Variants in ARHGEF4 observed in about 807,000 individuals in gnomAD.
ARHGEF4 encodes Rho guanine nucleotide exchange factor 4.
ARHGEF4 carries 119 observed loss-of-function variants against 162.0 expected under a neutral mutation model. The ratio of observed to expected loss-of-function variants is 0.73; its 90% CI spans 0.63 to 0.86. ARHGEF4 has a LOEUF of 0.86. ARHGEF4 is among the 40% of genes least tolerant of loss of function. The pLI, the probability that ARHGEF4 is intolerant of heterozygous loss-of-function variation, is 0.00. For missense variants in ARHGEF4, 2,488 were observed against 2,456.0 expected, an observed-to-expected ratio of 1.01 and a Z score of -0.28; for synonymous variants, 1,014 against 979.9, an observed-to-expected ratio of 1.03 and a Z score of -0.65.
At chr2:130,908,840 T>C (rs1171085204) in intron 1 of ARHGEF4, among the ~76,000 whole-genome samples, 1 of 152,024 alleles carries the variant, frequency 6.6e-6, no homozygotes, top group African/African-American at 2.4e-5. Flanking sequence ...AACTCAATAG[T>C]AAGAACACAA....
intron 1 of ARHGEF4, among the ~76,000 whole-genome samples, chr2:130,880,072 C>T (rs1205077893): frequency 6.6e-6 from 1 of 152,224 alleles, no homozygotes; most frequent in Non-Finnish European, 1.5e-5. Context: ...AGGCTGTAAG[C>T]ACGCGATGCC....
intron 3 of ARHGEF4, among the ~76,000 whole-genome samples, chr2:130,937,085 A>G (rs898924267): frequency 3.3e-5 from 5 of 150,124 alleles, no homozygotes; most frequent in Non-Finnish European, 7.4e-5. Flanking sequence ...TTTTTTTTCT[A>G]TTTTTAGTAG....
chr2:130,931,118 A>G lies in ARHGEF4; in HGVS notation c.3719A>G (p.Gln1240Arg), dbSNP rs1682606514. Residue 1240 changes from glutamine (Q) to arginine (R), a missense_variant, in exon 3 of 14, where the codon CAG (glutamine) becomes CGG (arginine). By Grantham distance (43) the Gln-to-Arg change is conservative. This residue lies in a region of ARHGEF4 where 1,642 missense variants were observed against 1,481.5 expected (regional missense o/e 1.11). Transcript: ENST00000409359. ...ACTGTGCGTGGGGAGGCTCCTTCAC[A>G]GCCTAGGGGCATCCCTCACCGCTCG... ...AETVRGEAPS[Q>R]PRGIPHRSPV... The G allele has an allele frequency of 3.1e-6, 5 of 1,614,034 alleles. No homozygotes were observed. Among genetic ancestry groups the G allele is most frequent in the Admixed American group, 1.7e-5 (1 of 59,996 alleles).
chr2:130,921,165 T>C (rs1244372303), intron 2 of ARHGEF4, among the ~76,000 whole-genome samples: 1 of 152,222 alleles, frequency 6.6e-6, no homozygotes, highest in East Asian at 1.9e-4. Context: ...CTTTAAACTT[T>C]ACTCAGTCTA....
chr2:130,967,005 G>C (rs1316634712), intron 4 of ARHGEF4, among the ~76,000 whole-genome samples: 1 of 152,272 alleles, frequency 6.6e-6, no homozygotes, highest in African/African-American at 2.4e-5. Flanking sequence ...GTAAGGGATC[G>C]TCAGCACAGC....
chr2:130,909,467 A>G (rs1335226791), intron 1 of ARHGEF4, among the ~76,000 whole-genome samples: 2 of 152,188 alleles, frequency 1.3e-5, no homozygotes, highest in Non-Finnish European at 1.5e-5. Flanking sequence ...TAGAAAAGGC[A>G]AAAAGCAGAT....
At chr2:130,960,348 A>G (rs1401962242) in intron 4 of ARHGEF4, among the ~76,000 whole-genome samples, 1 of 152,038 alleles carries the variant, frequency 6.6e-6, no homozygotes, top group African/African-American at 2.4e-5. Context: ...CTATGTTTTG[A>G]TTTGTTTAGA....
chr2:130,930,121 C>T (rs1240676084), intron 2 of ARHGEF4, among the ~76,000 whole-genome samples: 1 of 152,150 alleles, frequency 6.6e-6, no homozygotes, highest in Non-Finnish European at 1.5e-5. Context: ...TTTCAATCTC[C>T]TGACCTCGTG....
Position 130,895,085 on chromosome 2 carries a change from A to G in ARHGEF4, c.40-18901A>G, listed in dbSNP as rs548480166. ...TAAAAAAGCCCTTGCCCTGCTCCCT[A>G]CCTGGTCAGTCTCCCTCCCTGCCCA... On this transcript the variant is annotated intron_variant, in intron 1 of 13. Coordinates refer to ENST00000409359, the MANE Select transcript of ARHGEF4 (RefSeq NM_001367493.1). Among the ~76,000 whole-genome samples, 7 of 152,230 alleles carry G rather than the reference A, an allele frequency of 4.6e-5. No individual in the cohort carries two copies. The South Asian group carries it at 1.5e-3, about 32-fold the overall frequency.
At position 130,843,920 on chromosome 2, in the gene ARHGEF4, G is replaced by T. The variant is rs115564960; in HGVS notation, c.39+6928G>T. Reference sequence around the variant, plus strand: ...CTCCTGAAACCTTCTCTCCAAACTTGGGTGGAGCACAGCCCTGCTCTCCAG... The same window carrying T: ...CTCCTGAAACCTTCTCTCCAAACTTTGGTGGAGCACAGCCCTGCTCTCCAG... On this transcript the variant is annotated intron_variant, in intron 1 of 13. Transcript: ENST00000409359. Among the ~76,000 whole-genome samples the T allele has an allele frequency of 7.4e-3, 1,126 of 152,308 alleles. 14 individuals are homozygous for T. Among genetic ancestry groups the T allele is most frequent in the Non-Finnish European group, 0.014 (924 of 68,016 alleles).
At chr2:130,838,055 A>C (rs1027089837) in intron 1 of ARHGEF4, among the ~76,000 whole-genome samples, 5 of 152,192 alleles carry the variant, frequency 3.3e-5, no homozygotes, top group East Asian at 1.9e-4. Context: ...CCCCAGCGAT[A>C]ACGAAGTGAT....
chr2:130,938,475 T>C (rs1683096424), intron 3 of ARHGEF4, among the ~76,000 whole-genome samples: 1 of 152,210 alleles, frequency 6.6e-6, no homozygotes, highest in Non-Finnish European at 1.5e-5. Flanking sequence ...ACAGTTTAGG[T>C]GAAATGTCTT....
At chr2:131,014,095 G>T (rs1460860972) in intron 4 of ARHGEF4, among the ~76,000 whole-genome samples, 2 of 152,116 alleles carry the variant, frequency 1.3e-5, no homozygotes, top group Non-Finnish European at 2.9e-5. Flanking sequence ...ATTATATACA[G>T]TGTTGTATTG....
chr2:130,852,392 A>G (rs1681470299), intron 1 of ARHGEF4, among the ~76,000 whole-genome samples: 1 of 152,224 alleles, frequency 6.6e-6, no homozygotes, highest in African/African-American at 2.4e-5. Flanking sequence ...GGTGTCAGGC[A>G]GGACACAGGC....
chr2:130,923,140 G>C (rs1036385928), intron 2 of ARHGEF4, among the ~76,000 whole-genome samples: 12 of 152,222 alleles, frequency 7.9e-5, no homozygotes, highest in Non-Finnish European at 1.8e-4. Flanking sequence ...ATATTGGCTA[G>C]GGTGGTCTCG....
chr2:130,836,960 A>G lies in ARHGEF4; in HGVS notation c.7A>G (p.Ser3Gly), dbSNP rs1196320895. 5.7e-6 allele frequency: 7 copies of G among 1,226,170 alleles called. No individual in the cohort carries two copies. The highest frequency in any genetic ancestry group is 3.0e-6 in the Non-Finnish European group (3 of 984,462). 76.0% of individuals were successfully genotyped at this position (1,226,170 alleles called of 1,614,324 possible). A position where few individuals can be genotyped will look rare whatever the true frequency, so the allele number is the denominator to read the frequency against. The change falls in exon 1 of 14, where the codon AGC (serine) becomes GGC (glycine). Residue 3 changes from serine to glycine, a missense_variant. Coordinates refer to ENST00000409359, the MANE Select transcript of ARHGEF4 (RefSeq NM_001367493.1). MLSVVHFLRSFFK... is the reference protein window; with the variant it reads MLGVVHFLRSFFK... ...GGGCGTCCCGGCGGCCACCATGCTC[A>G]GCGTCGTGCACTTCCTCCGGAGCTT...
chr2:130,917,456 C>T lies in ARHGEF4; in HGVS notation c.3510C>T (p.Gly1170=). The T allele has an allele frequency of 6.4e-7, 1 of 1,550,552 alleles. No individual in the cohort carries two copies. Among genetic ancestry groups the T allele is most frequent in the South Asian group, 1.2e-5 (1 of 84,056 alleles). The part of the protein sequence containing the change: ...ESREGGQGPR[G]LGTVPWLRDL... ...GGGAAGGAGGCCAGGGTCCGCGCGG[C>T]TTGGGCACAGTGCCCTGGCTCAGGG... is the stretch of plus-strand genomic sequence containing the variant. Residue 1170 remains glycine (G), a synonymous_variant, in exon 2 of 14, where the codon GGC becomes GGT. Transcript: ENST00000409359.
At chr2:130,878,885 A>G (rs1207261955) in intron 1 of ARHGEF4, among the ~76,000 whole-genome samples, 1 of 152,260 alleles carries the variant, frequency 6.6e-6, no homozygotes, top group East Asian at 1.9e-4. Flanking sequence ...CTCTGGCAGT[A>G]CAAAGAGGTG....
At chr2:130,922,762 A>ATT (rs11370112) in intron 2 of ARHGEF4, among the ~76,000 whole-genome samples, 52 of 147,912 alleles carry the variant, frequency 3.5e-4, no homozygotes, top group East Asian at 1.2e-3. Flanking sequence ...CATTCCTCAG[A>ATT]TTTTTTTTTT....
Sources: gnomAD v4.1 joint callset for allele counts (sites outside exome capture counted in the v4.1 genomes callset) on GRCh38, gnomAD v4.1.1 for gene constraint, gnomAD v4.1.1 regional missense constraint, MANE v1.5 for transcripts, NCBI Gene and HGNC (gene_info 2026-07-23, HGNC 2026-07-21) for gene names.